DACH1: variants seen among roughly 807,000 people sequenced by gnomAD.
DACH1 encodes dachshund family transcription factor 1.
In DACH1, 12 loss-of-function variants were observed where a neutral mutation model predicts 54.2. The observed-to-expected ratio is 0.22, with a 90% CI of 0.14 to 0.36. The LOEUF is 0.36. Among genes scored for constraint, DACH1 ranks in the 10% least tolerant of loss-of-function variants. The pLI, the probability that DACH1 is intolerant of heterozygous loss-of-function variation, is 1.00. For synonymous variants in DACH1, 386 were observed against 366.2 expected (o/e 1.05, Z -0.62); for missense variants, 805 against 929.8 (o/e 0.87, Z 1.75).
At chr13:71,809,467 A>C (rs1330145142) in intron 1 of DACH1, among the ~76,000 whole-genome samples, 3 of 152,186 alleles carry the variant, frequency 2.0e-5, no homozygotes, top group African/African-American at 4.8e-5. Context: ...CACCATGCCC[A>C]GCCTAGAATC....
At chr13:71,519,016 G>GT (rs1405555750) in intron 6 of DACH1, among the ~76,000 whole-genome samples, 1 of 151,832 alleles carries the variant, frequency 6.6e-6, no homozygotes, top group Non-Finnish European at 1.5e-5. Context: ...TATACATCTG[G>GT]TTTCTCACTA....
chr13:71,471,886 G>A (rs1265073776), intron 10 of DACH1, among the ~76,000 whole-genome samples: 1 of 152,172 alleles, frequency 6.6e-6, no homozygotes, highest in Non-Finnish European at 1.5e-5. Flanking sequence ...TACATAAAAT[G>A]TACGCGTATG....
rs1403239933 is a variant in DACH1, at chr13:71,607,325, T to C, written c.1126+23231A>G. 3.3e-5 allele frequency among the ~76,000 whole-genome samples: 5 copies of C among 152,042 alleles called. No individual in the cohort carries two copies. The East Asian group carries it at 9.6e-4, about 29-fold the overall frequency. On this transcript the variant is annotated intron_variant, in intron 3 of 10. Coordinates refer to ENST00000613252, the MANE Select transcript of DACH1 (RefSeq NM_080759.6). ...TAAATTCATGTATACAGGCTTATTA[T>C]TGTTTTGTATAAAACATTCTACCTT...
intron 3 of DACH1, among the ~76,000 whole-genome samples, chr13:71,583,029 A>C (rs1291157690): frequency 6.6e-6 from 1 of 152,232 alleles, no homozygotes; most frequent in African/African-American, 2.4e-5. Flanking sequence ...AGAGGGTTAA[A>C]AACTATGTTT....
rs71751089 is a variant in DACH1, at chr13:71,758,931, C to CTT, written c.849-77023_849-77022dup. 4.5e-4 allele frequency among the ~76,000 whole-genome samples: 66 copies of CTT among 145,764 alleles called. No homozygotes were observed. The South Asian group carries it at 5.0e-3, about 11-fold the overall frequency. ...GCATTATGTTGTTGCCAGTCTTTGTCTTTTTTTTTTTTTCCTGTGGTCCTG... is the reference window on the plus strand; with the variant it reads ...GCATTATGTTGTTGCCAGTCTTTGTCTTTTTTTTTTTTTTTCCTGTGGTCCTG... On this transcript the variant is annotated intron_variant, in intron 1 of 10. Transcript: ENST00000613252.
At chr13:71,451,935 T>A (rs1382992431) in intron 10 of DACH1, among the ~76,000 whole-genome samples, 2 of 152,156 alleles carry the variant, frequency 1.3e-5, no homozygotes, top group African/African-American at 4.8e-5. Context: ...ATGGATTAGA[T>A]GATAGGTAAA....
chr13:71,579,418 T>C (rs536121641), intron 3 of DACH1, among the ~76,000 whole-genome samples: 1 of 152,108 alleles, frequency 6.6e-6, no homozygotes, highest in Non-Finnish European at 1.5e-5. Flanking sequence ...CGGCCAATGA[T>C]TATTGAACTA....
At chr13:71,467,076 TCTATTA>T (rs1447467102) in intron 10 of DACH1, among the ~76,000 whole-genome samples, 5 of 119,540 alleles carry the variant, frequency 4.2e-5, no homozygotes, top group Admixed American at 2.0e-4. Context: ...TGAGTTACAT[TCTATTA>T]CTATTTTGAG....
chr13:71,560,653 T>C (rs1309550718), intron 4 of DACH1, among the ~76,000 whole-genome samples: 1 of 152,186 alleles, frequency 6.6e-6, no homozygotes, highest in Non-Finnish European at 1.5e-5. Flanking sequence ...CTATTTTATG[T>C]CAACAGTCTT....
At chr13:71,863,534 G>A (rs1342197477) in intron 1 of DACH1, among the ~76,000 whole-genome samples, 3 of 152,146 alleles carry the variant, frequency 2.0e-5, no homozygotes, top group Non-Finnish European at 4.4e-5. Flanking sequence ...TGAGATATTT[G>A]TGAAGAGATA....
Position 71,475,818 on chromosome 13 carries a change from C to T in DACH1, c.1902G>A (p.Lys634=). Reference sequence around the variant, plus strand: ...CTTCCTGCAATTTTCTCTTTGCCTTCTTCTCCTTCTTTAGCCTCTTTTGAA... The same window carrying T: ...CTTCCTGCAATTTTCTCTTTGCCTTTTTCTCCTTCTTTAGCCTCTTTTGAA... ...AIVQKRLKKE[K]KAKRKLQEAL... The change falls in exon 9 of 11, where the codon AAG becomes AAA. Residue 634 remains lysine (K), a synonymous_variant. Coordinates refer to ENST00000613252, the MANE Select transcript of DACH1 (RefSeq NM_080759.6). The T allele has an allele frequency of 6.2e-7, 1 of 1,613,368 alleles. No homozygotes were observed. The highest frequency in any genetic ancestry group is 1.7e-5 in the Admixed American group (1 of 59,862).
chr13:71,660,533 A>G lies in DACH1; in HGVS notation c.964+21262T>C, dbSNP rs1463365905. On this transcript the variant is annotated intron_variant, in intron 2 of 10. Coordinates refer to ENST00000613252, the MANE Select transcript of DACH1 (RefSeq NM_080759.6). ...GACAACCATAGCCCCATATATTGGG[A>G]CGAGCAGAGGCATGGAGTTATGAAT... Among the ~76,000 whole-genome samples the G allele has an allele frequency of 9.2e-5, 14 of 152,058 alleles. No homozygotes were observed. In the East Asian group the frequency reaches 2.5e-3, roughly 27 times the overall value.
intron 1 of DACH1, among the ~76,000 whole-genome samples, chr13:71,816,350 T>C (rs73491956): frequency 0.017 from 2,613 of 151,904 alleles, 71 homozygotes; most frequent in African/African-American, 0.059. Flanking sequence ...AAAGGCAAGA[T>C]TGTAATATGT....
intron 1 of DACH1, among the ~76,000 whole-genome samples, chr13:71,709,153 G>A (rs554083432): frequency 2.6e-5 from 4 of 151,852 alleles, no homozygotes; most frequent in South Asian, 4.2e-4. Context: ...GTGCCTGGCC[G>A]TATTTTTTAA....
intron 1 of DACH1, among the ~76,000 whole-genome samples, chr13:71,796,845 T>C (rs1328668229): frequency 6.6e-6 from 1 of 152,134 alleles, no homozygotes; most frequent in East Asian, 1.9e-4. Context: ...CCCAAGGACA[T>C]CTACGGACAC....
intron 9 of DACH1, 64 bp from the exon 10 acceptor site, chr13:71,475,273 A>C: frequency 7.4e-7 from 1 of 1,348,614 alleles, no homozygotes; most frequent in Non-Finnish European, 1.1e-6. Flanking sequence ...CTTTAAAAAA[A>C]AAGAGCAACC....
chr13:71,807,287 A>G (rs189144848), intron 1 of DACH1, among the ~76,000 whole-genome samples: 38 of 152,276 alleles, frequency 2.5e-4, no homozygotes, highest in Admixed American at 8.5e-4. Context: ...TTATTTGCTA[A>G]TATATTTATA....
chr13:71,671,225 A>G (rs1422755110), intron 2 of DACH1, among the ~76,000 whole-genome samples: 2 of 151,914 alleles, frequency 1.3e-5, no homozygotes, highest in Non-Finnish European at 2.9e-5. Flanking sequence ...GGAACCCTTT[A>G]GGGTTTCTCA....
chr13:71,482,257 T>C (rs1878106967), intron 7 of DACH1, among the ~76,000 whole-genome samples: 1 of 152,144 alleles, frequency 6.6e-6, no homozygotes, highest in Non-Finnish European at 1.5e-5. Flanking sequence ...GGGTACTGTA[T>C]CTAGCAATGT....
Sources: allele counts gnomAD v4.1 joint callset (sites outside exome capture counted in the v4.1 genomes callset), GRCh38; gene constraint gnomAD v4.1.1; transcripts MANE v1.5; gene names NCBI Gene and HGNC (gene_info 2026-07-23, HGNC 2026-07-21).